NRXN2: variants seen among roughly 807,000 people sequenced by gnomAD.
NRXN2 encodes the protein neurexin 2.
In NRXN2, 29 loss-of-function variants were observed where a neutral mutation model predicts 128.8. The ratio of observed to expected loss-of-function variants is 0.23; its 90% CI spans 0.17 to 0.31. The LOEUF is 0.31. NRXN2 is among the 10% of genes least tolerant of loss of function. The probability of loss-of-function intolerance (pLI) is 1.00; values close to 1 mark genes in which losing one functional copy is unlikely to be tolerated. For missense variants in NRXN2, 1,881 were observed against 2,452.6 expected (o/e 0.77, Z 4.92); for synonymous variants, 1,098 against 1,075.2 (o/e 1.02, Z -0.41).
rs1393395251 is a variant in NRXN2 at position 64,630,577 on chromosome 11, G to C, written c.3586-4C>G. On this transcript the variant is annotated splice_polypyrimidine_tract_variant and splice_region_variant and intron_variant, in intron 18 of 22. Transcript: ENST00000265459. This position sits in a 1 kb window ranked among gnomAD's most constrained non-coding sequence, Gnocchi z 4.6. Reference sequence around the variant, plus strand: ...TCACCCCCACGGTGCCCTGGTCCTGGGGACATGGAGGTGGAGGTCAGCGAC... The same window carrying C: ...TCACCCCCACGGTGCCCTGGTCCTGCGGACATGGAGGTGGAGGTCAGCGAC... 1.2e-6 allele frequency: 2 copies of C among 1,613,676 alleles called. No homozygotes were observed. Among genetic ancestry groups the C allele is most frequent in the African/African-American group, 1.3e-5 (1 of 74,926 alleles).
intron 2 of NRXN2, among the ~76,000 whole-genome samples, chr11:64,709,044 T>C (rs1435299545): frequency 2.6e-5 from 4 of 151,884 alleles, no homozygotes; most frequent in Non-Finnish European, 5.9e-5. Flanking sequence ...ATACAAAAAT[T>C]AGCTGGACAT....
chr11:64,630,049 C>T lies in NRXN2; in HGVS notation c.3757+353G>A, dbSNP rs1333692343. Among the ~76,000 whole-genome samples the T allele has an allele frequency of 2.0e-5, 3 of 152,142 alleles. No individual in the cohort carries two copies. The highest frequency in any genetic ancestry group is 4.1e-4 in the South Asian group (2 of 4,828). ...CTGTCTCCCTCATTTCTGAACTCAA[C>T]CTTTCCGCAATCGCATCAGATTCTC... On this transcript the variant is annotated intron_variant, in intron 19 of 22. Coordinates refer to ENST00000265459, the MANE Select transcript of NRXN2 (RefSeq NM_015080.4). The surrounding 1 kb of genome is among the most constrained non-coding windows in gnomAD (Gnocchi z 4.6).
chr11:64,635,895 A>G lies in NRXN2; in HGVS notation c.3404-443T>C, dbSNP rs1233782722. Among the ~76,000 whole-genome samples the G allele has an allele frequency of 6.6e-6, 1 of 151,858 alleles. No homozygotes were observed. The highest frequency in any genetic ancestry group is 2.4e-5 in the African/African-American group (1 of 41,292). On this transcript the variant is annotated intron_variant, in intron 17 of 22. Coordinates refer to ENST00000265459, the MANE Select transcript of NRXN2 (RefSeq NM_015080.4). This position sits in a 1 kb window ranked among gnomAD's most constrained non-coding sequence, Gnocchi z 4.8. Reference sequence around the variant, plus strand: ...TGGGGCCAGAGCTAAGCAGGCACCAAGGAACCCCAGGTGATGGCAGGAAGA... The same window carrying G: ...TGGGGCCAGAGCTAAGCAGGCACCAGGGAACCCCAGGTGATGGCAGGAAGA...
At chr11:64,692,915 A>G (rs1358000770) in intron 3 of NRXN2, 39 bp from the exon 4 acceptor site, 5 of 1,546,906 alleles carry the variant, frequency 3.2e-6, no homozygotes, top group South Asian at 1.1e-5. Context: ...AAAGAAAAAA[A>G]GAAGAAGAAA....
chr11:64,630,516 C>G lies in NRXN2; in HGVS notation c.3643G>C (p.Glu1215Gln), dbSNP rs1212381773. 6.2e-7 allele frequency: 1 copy of G among 1,614,066 alleles called. No individual in the cohort carries two copies. The highest frequency in any genetic ancestry group is 8.5e-7 in the Non-Finnish European group (1 of 1,180,020). The change falls in exon 19 of 23, where the codon GAG becomes CAG. Residue 1215 changes from glutamate (E) to glutamine (Q), a missense_variant. By Grantham distance (29) the Glu-to-Gln change is conservative (BLOSUM62 2). This residue lies in a region of NRXN2 where 390 missense variants were observed against 599.6 expected (regional missense o/e 0.65). Coordinates refer to ENST00000265459, the MANE Select transcript of NRXN2 (RefSeq NM_015080.4). The surrounding 1 kb of genome is among the most constrained non-coding windows in gnomAD (Gnocchi z 4.6). ...NVGTDDITID[E>Q]PNAIVSDGKY... ...CCGTCGCTTACTATGGCGTTGGGCTCGTCGATGGTAATGTCGTCCGTGCCC... is the reference window on the plus strand; with the variant it reads ...CCGTCGCTTACTATGGCGTTGGGCTGGTCGATGGTAATGTCGTCCGTGCCC...
rs1697085605 is a variant in NRXN2, at chr11:64,660,091, C to G, written c.2389+241G>C. 6.6e-6 allele frequency among the ~76,000 whole-genome samples: 1 copy of G among 152,196 alleles called. No homozygotes were observed. The highest frequency in any genetic ancestry group is 1.5e-5 in the Non-Finnish European group (1 of 68,026). ...CACCAGGGAGGACAGTTAGCATACC[C>G]CAGATACTCTGGGTCTTGCCCCTCA... On this transcript the variant is annotated intron_variant, in intron 11 of 22. Transcript: ENST00000265459. The surrounding 1 kb of genome is among the most constrained non-coding windows in gnomAD (Gnocchi z 5.2).
Position 64,622,994 on chromosome 11 carries a change from G to A in NRXN2, c.3932C>T (p.Ser1311Phe). 6.2e-7 allele frequency: 1 copy of A among 1,613,222 alleles called. No homozygotes were observed. Residue 1311 changes from serine (S) to phenylalanine (F), a missense_variant, in exon 21 of 23, where the codon TCC becomes TTC. By Grantham distance (155) the Ser-to-Phe change is radical (BLOSUM62 -2). Transcript: ENST00000265459. This position sits in a 1 kb window ranked among gnomAD's most constrained non-coding sequence, Gnocchi z 4.3. Reference sequence around the variant, plus strand: ...CTTGAGCCCATTGTAGTAGAGGCCGGACACCTGGCCCTGGAAGGGGCGGCC... The same window carrying A: ...CTTGAGCCCATTGTAGTAGAGGCCGAACACCTGGCCCTGGAAGGGGCGGCC... The part of the protein sequence containing the change: ...DQGRPFQGQV[S>F]GLYYNGLKVL...
chr11:64,655,635 C>T (rs968119082), intron 11 of NRXN2, among the ~76,000 whole-genome samples: 2 of 152,146 alleles, frequency 1.3e-5, no homozygotes, highest in Non-Finnish European at 2.9e-5. Context: ...TCTCCTTCCC[C>T]AGCAAGGGAG....
chr11:64,682,121 CTCCATTCTTGGGGAT>C (rs1046004361), intron 6 of NRXN2, among the ~76,000 whole-genome samples: 9 of 151,702 alleles, frequency 5.9e-5, no homozygotes, highest in Admixed American at 1.3e-4. Flanking sequence ...ACCTTGGGGA[CTCCATTCTTGGGGAT>C]TCCATCTTTG....
chr11:64,681,847 A>G (rs1158813781), intron 6 of NRXN2, among the ~76,000 whole-genome samples: 2 of 152,204 alleles, frequency 1.3e-5, no homozygotes, highest in African/African-American at 2.4e-5. Flanking sequence ...GCAGACCCTG[A>G]GACAGGGTGT....
At chr11:64,669,628 A>G (rs2050361614) in intron 7 of NRXN2, among the ~76,000 whole-genome samples, 1 of 152,168 alleles carries the variant, frequency 6.6e-6, no homozygotes, top group Admixed American at 6.5e-5. Flanking sequence ...TGACAAGGAC[A>G]GGAAACTCTC....
chr11:64,607,347 C>A lies in NRXN2; in HGVS notation c.4988G>T (p.Arg1663Leu). 1 of 1,614,000 alleles carries A rather than the reference C, an allele frequency of 6.2e-7. No individual in the cohort carries two copies. The highest frequency in any genetic ancestry group is 8.5e-7 in the Non-Finnish European group (1 of 1,179,962). ...LLYAMYKYRN[R>L]DEGSYQVDQS... ...GTCCACCTGGTAGGAGCCCTCATCA[C>A]GATTGCGGTACTTATACATGGCGTA... The change falls in exon 23 of 23, where the codon CGT becomes CTT. Residue 1663 changes from arginine to leucine, a missense_variant. Physicochemically the swap from Arg to Leu is moderately radical, Grantham distance 102 (BLOSUM62 -2). Around this residue, in one of 7 missense-constraint regions of NRXN2, gnomAD observed 63 missense variants for 76.0 expected, o/e 0.83. Coordinates refer to ENST00000265459, the MANE Select transcript of NRXN2 (RefSeq NM_015080.4).
In NRXN2 at chr11:64,607,921, G is replaced by A; in HGVS notation, c.4414C>T (p.Pro1472Ser). 2 of 1,555,718 alleles carry A rather than the reference G, an allele frequency of 1.3e-6. No homozygotes were observed. The highest frequency in any genetic ancestry group is 2.4e-5 in the South Asian group (2 of 84,904). Residue 1472 changes from proline to serine, a missense_variant, in exon 23 of 23, where the codon CCC (proline) becomes TCC (serine). Transcript: ENST00000265459. ...TCGGCCTGGCACGGGCCCCCAGAGG[G>A]CGGGCGGCGCGCGGCGGGCGGGGGC... ...TLPPPAARRP[P>S]SGGPCQAERD...
chr11:64,679,605 C>A (rs1248596432), intron 6 of NRXN2, among the ~76,000 whole-genome samples: 1 of 152,036 alleles, frequency 6.6e-6, no homozygotes, highest in Admixed American at 6.5e-5. Context: ...CCACTGCACT[C>A]CAGCCTGGGT....
intron 14 of NRXN2, 30 bp from the exon 15 acceptor site, chr11:64,650,668 T>A (rs1591802790): frequency 6.2e-7 from 1 of 1,608,092 alleles, no homozygotes; most frequent in East Asian, 2.2e-5. Flanking sequence ...AGACACTGGG[T>A]CAGGGCGGGG....
At chr11:64,663,739 T>C (rs564667841) in intron 9 of NRXN2, among the ~76,000 whole-genome samples, 208 of 152,214 alleles carry the variant, frequency 1.4e-3, no homozygotes, top group African/African-American at 4.9e-3. Flanking sequence ...GAAGCCATAG[T>C]GAGTACAGGC....
rs1007487799 is a variant in NRXN2, at chr11:64,688,676, GATA to G, written c.850+1726_850+1728del. On this transcript the variant is annotated intron_variant, in intron 5 of 22. Transcript: ENST00000265459. Reference sequence around the variant, plus strand: ...TAATTGCTCCGGACCGAGAAAGGAAGATAATAGCTGATGCTCGTTTATCTCCCA... The same window carrying G: ...TAATTGCTCCGGACCGAGAAAGGAAGATAGCTGATGCTCGTTTATCTCCCA... The G allele has an allele frequency of 1.4e-5, 14 of 985,240 alleles. No homozygotes were observed. The African/African-American group carries it at 2.1e-4, about 15-fold the overall frequency. 61.0% of individuals were successfully genotyped at this position (985,240 alleles called of 1,614,324 possible).
At chr11:64,671,502 C>T (rs554420238) in intron 7 of NRXN2, among the ~76,000 whole-genome samples, 3 of 152,176 alleles carry the variant, frequency 2.0e-5, no homozygotes, top group Non-Finnish European at 2.9e-5. Flanking sequence ...CAACCTCCCC[C>T]CCACGCATCT....
intron 2 of NRXN2, among the ~76,000 whole-genome samples, chr11:64,709,026 T>C (rs955187009): frequency 2.6e-5 from 4 of 151,918 alleles, no homozygotes; most frequent in Non-Finnish European, 4.4e-5. Flanking sequence ...AACCCGTCTC[T>C]ACTAAAAATA....
Sources: allele counts gnomAD v4.1 joint callset (sites outside exome capture counted in the v4.1 genomes callset), GRCh38; gene constraint gnomAD v4.1.1; regional missense constraint gnomAD v4.1.1; non-coding constraint Gnocchi (gnomAD v3.1); transcripts MANE v1.5; gene names NCBI Gene and HGNC (gene_info 2026-07-23, HGNC 2026-07-21).